Variants in PPP2R5B observed in about 807,000 individuals in gnomAD.
PPP2R5B encodes the protein serine/threonine-protein phosphatase 2A 56 kDa regulatory subunit beta isoform.
Under a neutral mutation model 59.9 loss-of-function variants are expected in PPP2R5B, and 19 were observed. The ratio of observed to expected loss-of-function variants is 0.32; its 90% CI spans 0.22 to 0.47. PPP2R5B has a LOEUF of 0.47. Among genes scored for constraint, PPP2R5B ranks in the 20% least tolerant of loss-of-function variants. PPP2R5B has a pLI of 1.00. For synonymous variants in PPP2R5B, 286 were observed against 260.5 expected, an observed-to-expected ratio of 1.10 and a Z score of -0.94; for missense variants, 441 against 640.2, an observed-to-expected ratio of 0.69 and a Z score of 3.36.
chr11:64,919,352 AAAAG>A (rs1945090750), intron 1 of PPP2R5B, among the ~76,000 whole-genome samples: 1 of 151,978 alleles, frequency 6.6e-6, no homozygotes, highest in South Asian at 2.1e-4. Context: ...CAAAAAAAAA[AAAAG>A]AAGAAACTGC....
intron 13 of PPP2R5B, 64 bp downstream of exon 13, chr11:64,933,310 C>A: frequency 7.1e-7 from 1 of 1,406,098 alleles, no homozygotes. Flanking sequence ...ACCCCCATGG[C>A]TGGAGGGAAC....
Position 64,925,651 on chromosome 11 carries a change from T to G in PPP2R5B, c.-84T>G. 1 of 602,476 alleles carries G rather than the reference T, an allele frequency of 1.7e-6. No individual in the cohort carries two copies. Among genetic ancestry groups the G allele is most frequent in the Non-Finnish European group, 2.8e-6 (1 of 351,896 alleles). The allele number at this position is 602,476 out of a possible 1,614,324, so 37.3% of individuals were successfully genotyped here. Reference sequence around the variant, plus strand: ...AAGGCCGGACAGGATGGGACCAAGTTAGTCTGTCCAGTCTCACCCAGCACC... The same window carrying G: ...AAGGCCGGACAGGATGGGACCAAGTGAGTCTGTCCAGTCTCACCCAGCACC... On this transcript the variant is annotated 5_prime_UTR_variant, in exon 2 of 14. An upstream open reading frame in the 5' UTR loses its in-frame stop. Transcript: ENST00000164133. The surrounding 1 kb of genome is among the most constrained non-coding windows in gnomAD (Gnocchi z 4.6).
At chr11:64,932,962 G>A (rs1945243607) in intron 12 of PPP2R5B, 70 bp downstream of exon 12, 5 of 1,589,416 alleles carry the variant, frequency 3.1e-6, no homozygotes, top group Non-Finnish European at 4.3e-6. Context: ...CCCGACCCCA[G>A]GGTTACTCCT....
rs750657123 is a variant in PPP2R5B at position 64,931,402 on chromosome 11, T to C, written c.892-34T>C. The stretch of plus-strand genomic sequence containing the variant: ...CTTGGCGCCTGGTGCCTTCCTGACC[T>C]GTCTTCCTTCCCTCCACCTGTCACC... On this transcript the variant is annotated intron_variant, in intron 8 of 13. Coordinates refer to ENST00000164133, the MANE Select transcript of PPP2R5B (RefSeq NM_006244.4). The surrounding 1 kb of genome is among the most constrained non-coding windows in gnomAD (Gnocchi z 5.0). 6.2e-7 allele frequency: 1 copy of C among 1,611,614 alleles called. No homozygotes were observed.
chr11:64,930,662 A>T, intron 8 of PPP2R5B, 73 bp downstream of exon 8: 1 of 1,227,656 alleles, frequency 8.1e-7, no homozygotes, highest in Non-Finnish European at 1.2e-6. Flanking sequence ...CCTGGAGGTC[A>T]GATCCTCCAG....
rs577207904 is a variant in PPP2R5B at position 64,931,915 on chromosome 11, G to C, written c.1116+47G>C. On this transcript the variant is annotated intron_variant, in intron 11 of 13. Transcript: ENST00000164133. This position sits in a 1 kb window ranked among gnomAD's most constrained non-coding sequence, Gnocchi z 5.0. The stretch of plus-strand genomic sequence containing the variant: ...GATGGGAGCAGGGCTGGCCTGGAAA[G>C]GTTGGGTAGCTGACCTAATAAAGCT... 3.8e-6 allele frequency: 6 copies of C among 1,596,542 alleles called. No homozygotes were observed. The East Asian group carries it at 1.3e-4, about 36-fold the overall frequency.
chr11:64,928,396 C>T lies in PPP2R5B; in HGVS notation c.693C>T (p.Ile231=). 1.2e-6 allele frequency: 2 copies of T among 1,614,258 alleles called. No homozygotes were observed. Among genetic ancestry groups the T allele is most frequent in the Non-Finnish European group, 1.7e-6 (2 of 1,180,048 alleles). Residue 231 remains isoleucine, a synonymous_variant, in exon 6 of 14, where the codon ATC becomes ATT. Transcript: ENST00000164133. Reference sequence around the variant, plus strand: ...AGTTCCTGGGTCTCCGGGCCTACATCCGCAAACAGTGCAACCACATCTTCC... The same window carrying T: ...AGTTCCTGGGTCTCCGGGCCTACATTCGCAAACAGTGCAACCACATCTTCC... ...YGKFLGLRAY[I]RKQCNHIFLR... is the part of the protein sequence containing the mutation.
chr11:64,919,060 G>C (rs528430512), intron 1 of PPP2R5B, among the ~76,000 whole-genome samples: 2 of 152,318 alleles, frequency 1.3e-5, no homozygotes, highest in East Asian at 1.9e-4. Context: ...GTGCTTATGG[G>C]CCAGGCACGG....
chr11:64,930,794 C>T (rs1433502391), intron 8 of PPP2R5B, among the ~76,000 whole-genome samples: 1 of 152,208 alleles, frequency 6.6e-6, no homozygotes, highest in Non-Finnish European at 1.5e-5. Flanking sequence ...TCTTCTCTAC[C>T]CTCCCTTGGC....
chr11:64,929,721 A>G (rs1310028347), intron 6 of PPP2R5B, among the ~76,000 whole-genome samples: 3 of 152,208 alleles, frequency 2.0e-5, no homozygotes, highest in Admixed American at 6.5e-5. Context: ...GCGAGATTCC[A>G]TCTCAAAGAT....
chr11:64,925,831 C>CG lies in PPP2R5B; in HGVS notation c.98dup (p.Arg34ProfsTer56). The CG allele has an allele frequency of 6.2e-7, 1 of 1,609,564 alleles. No homozygotes were observed. Among genetic ancestry groups the CG allele is most frequent in the Non-Finnish European group, 8.5e-7 (1 of 1,178,916 alleles). ...ACCCGACAAGGTGGACGGCTTCTCCCGCCGTTCCCTCCGCAGAGCCCGGCC... is the reference window on the plus strand; with the variant it reads ...ACCCGACAAGGTGGACGGCTTCTCCCGGCCGTTCCCTCCGCAGAGCCCGGCC... On this transcript the variant is annotated frameshift_variant, in exon 2 of 14. Transcript: ENST00000164133. LOFTEE classifies it high-confidence loss of function. This position sits in a 1 kb window ranked among gnomAD's most constrained non-coding sequence, Gnocchi z 4.6.
chr11:64,932,792 A>C lies in PPP2R5B; in HGVS notation c.1144A>C (p.Asn382His). ...QVAERALYFW[N>H]NEYILSLIED... ...TGCAGAGCGGGCTCTGTATTTCTGGAACAATGAGTATATCCTAAGCCTCAT... is the reference window on the plus strand; with the variant it reads ...TGCAGAGCGGGCTCTGTATTTCTGGCACAATGAGTATATCCTAAGCCTCAT... The change falls in exon 12 of 14, where the codon AAC becomes CAC. Residue 382 changes from asparagine (N) to histidine (H), a missense_variant. By Grantham distance (68) the Asn-to-His change is moderately conservative. Around this residue, in one of 3 missense-constraint regions of PPP2R5B, gnomAD observed 268 missense variants for 488.1 expected, o/e 0.55. Transcript: ENST00000164133. The C allele has an allele frequency of 1.9e-6, 3 of 1,614,060 alleles. No individual in the cohort carries two copies. The highest frequency in any genetic ancestry group is 2.5e-6 in the Non-Finnish European group (3 of 1,179,966).
chr11:64,921,892 A>G (rs191701191), upstream of PPP2R5B, among the ~76,000 whole-genome samples: 7 of 152,354 alleles, frequency 4.6e-5, no homozygotes, highest in East Asian at 1.9e-4. Context: ...CTTTCGTTGC[A>G]TATAACACAA....
At chr11:64,932,539 C>T (rs1180981548) in intron 11 of PPP2R5B, among the ~76,000 whole-genome samples, 2 of 152,180 alleles carry the variant, frequency 1.3e-5, no homozygotes, top group Admixed American at 1.3e-4. Flanking sequence ...GGTCACATGG[C>T]ATAGTAGAGT....
upstream of PPP2R5B, among the ~76,000 whole-genome samples, chr11:64,920,450 G>A (rs1234246406): frequency 1.3e-5 from 2 of 152,140 alleles, no homozygotes; most frequent in South Asian, 2.1e-4. Context: ...GACAAGCTCT[G>A]TAGAAAACCA....
intron 11 of PPP2R5B, 34 bp from the exon 12 acceptor site, chr11:64,932,731 C>G (rs1438126361): frequency 7.5e-6 from 12 of 1,607,288 alleles, no homozygotes; most frequent in African/African-American, 1.3e-5. Context: ...GAAGCCACTG[C>G]CAGTTAATCA....
intron 13 of PPP2R5B, 129 bp from the exon 14 acceptor site, chr11:64,933,568 G>C: frequency 8.2e-7 from 1 of 1,215,478 alleles, no homozygotes; most frequent in Non-Finnish European, 1.1e-6. Context: ...TTTTTATGGA[G>C]TCACAGAACA....
chr11:64,923,930 G>T (rs140483274), upstream of PPP2R5B, among the ~76,000 whole-genome samples: 1,052 of 152,298 alleles, frequency 6.9e-3, 12 homozygotes, highest in African/African-American at 0.024. Flanking sequence ...TCCCACCTGT[G>T]CCTTGCATGC....
At chr11:64,927,565 A>T (rs1318524260) in intron 3 of PPP2R5B, among the ~76,000 whole-genome samples, 1 of 152,188 alleles carries the variant, frequency 6.6e-6, no homozygotes, top group Non-Finnish European at 1.5e-5. Flanking sequence ...TTTGCCGGGC[A>T]TAGTGGTGTG....
Sources: gnomAD v4.1 joint callset for allele counts (sites outside exome capture counted in the v4.1 genomes callset) on GRCh38, gnomAD v4.1.1 for gene constraint, gnomAD v4.1.1 regional missense constraint, Gnocchi (gnomAD v3.1) non-coding constraint, MANE v1.5 for transcripts, NCBI Gene and HGNC (gene_info 2026-07-23, HGNC 2026-07-21) for gene names.